Variants in KIAA1614 observed in about 807,000 individuals in gnomAD.
KIAA1614 encodes uncharacterized protein KIAA1614.
Under a neutral mutation model 88.7 loss-of-function variants are expected in KIAA1614, and 76 were observed. That is an observed-to-expected ratio of 0.86 (90% CI 0.71 to 1.04). The LOEUF is 1.04. Ranked by LOEUF, KIAA1614 falls within the 50% of genes least tolerant of loss-of-function variation. KIAA1614 has a pLI of 0.00. For missense variants in KIAA1614, 1,553 were observed against 1,582.5 expected (o/e 0.98, Z 0.32); for synonymous variants, 714 against 675.5 (o/e 1.06, Z -0.88).
rs201220751 is a variant in KIAA1614 at position 180,936,171 on chromosome 1, G to T, written c.2262G>T (p.Thr754=). The T allele has an allele frequency of 8.7e-6, 14 of 1,614,126 alleles. No individual in the cohort carries two copies. The highest frequency in any genetic ancestry group is 1.6e-4 in the Middle Eastern group (1 of 6,062). The stretch of plus-strand genomic sequence containing the variant: ...CCTATGCCACCACCGCCCCCATGAC[G>T]CCTGAATCATCGGGGCCAGGAGGCC... ...RTAYATTAPM[T]PESSGPGGQA... The change falls in exon 5 of 9, where the codon ACG becomes ACT. Residue 754 remains threonine, a synonymous_variant. Transcript: ENST00000367588.
chr1:180,936,251 T>C lies in KIAA1614; in HGVS notation c.2342T>C (p.Leu781Pro), dbSNP rs1261307721. The change falls in exon 5 of 9, where the codon CTG becomes CCG. Residue 781 changes from leucine to proline, a missense_variant. Physicochemically the swap from Leu to Pro is moderately conservative, Grantham distance 98. Coordinates refer to ENST00000367588, the MANE Select transcript of KIAA1614 (RefSeq NM_020950.2). Reference protein sequence around the residue: ...ESLEIVSPSSLQQSHAEPSAP... With the variant: ...ESLEIVSPSSPQQSHAEPSAP... ...CTGGAAATTGTCTCTCCTTCCTCCC[T>C]GCAACAGAGCCATGCAGAGCCTTCT... is the stretch of plus-strand genomic sequence containing the variant. The C allele has an allele frequency of 1.2e-6, 2 of 1,614,174 alleles. No homozygotes were observed. Among genetic ancestry groups the C allele is most frequent in the East Asian group, 2.2e-5 (1 of 44,884 alleles).
chr1:180,928,995 A>C (rs111434689), intron 4 of KIAA1614, among the ~76,000 whole-genome samples: 50 of 152,346 alleles, frequency 3.3e-4, no homozygotes, highest in African/African-American at 1.2e-3. Context: ...ATAGATATGC[A>C]CTGGCAAGCA....
chr1:180,936,631 A>G lies in KIAA1614; in HGVS notation c.2722A>G (p.Ser908Gly). The G allele has an allele frequency of 6.3e-7, 1 of 1,583,246 alleles. No individual in the cohort carries two copies. Reference sequence around the variant, plus strand: ...GGGTAGGGTGGAGAGGGGCCCCTGCAGCCGGGAACCGGAGCCGCCCCTGGA... The same window carrying G: ...GGGTAGGGTGGAGAGGGGCCCCTGCGGCCGGGAACCGGAGCCGCCCCTGGA... Reference protein sequence around the residue: ...HEGRVERGPCSREPEPPLENS... With the variant: ...HEGRVERGPCGREPEPPLENS... Residue 908 changes from serine (S) to glycine (G), a missense_variant, in exon 5 of 9, where the codon AGC becomes GGC. Physicochemically the swap from Ser to Gly is moderately conservative, Grantham distance 56 (BLOSUM62 0). Transcript: ENST00000367588.
Position 180,945,626 on chromosome 1 carries a change from C to G in KIAA1614, c.*38C>G. 6.5e-7 allele frequency: 1 copy of G among 1,549,784 alleles called. No individual in the cohort carries two copies. Among genetic ancestry groups the G allele is most frequent in the South Asian group, 1.2e-5 (1 of 81,538 alleles). ...TGGGAATTCAGAAAGCCTCTGACTA[C>G]AGGACTAGGCTTCTCCCCTCAGGGG... On this transcript the variant is annotated 3_prime_UTR_variant, in exon 9 of 9. Coordinates refer to ENST00000367588, the MANE Select transcript of KIAA1614 (RefSeq NM_020950.2).
At position 180,945,813 on chromosome 1, in the gene KIAA1614, TAGA is replaced by T; in HGVS notation, c.*228_*230del. 7.5e-7 allele frequency: 1 copy of T among 1,326,506 alleles called. No homozygotes were observed. The highest frequency in any genetic ancestry group is 3.2e-5 in the East Asian group (1 of 31,038). The allele number at this position is 1,326,506 out of a possible 1,614,324, so 82.2% of individuals were successfully genotyped here. A position where few individuals can be genotyped will look rare whatever the true frequency, so the allele number is the denominator to read the frequency against. On this transcript the variant is annotated 3_prime_UTR_variant, in exon 9 of 9. Transcript: ENST00000367588. ...CTGCTGTCTGATGACATCTTGAAAT[TAGA>T]AGCTTAGGCCGGGCGCAGTGGCTCA...
intron 3 of KIAA1614, among the ~76,000 whole-genome samples, chr1:180,918,745 G>T (rs1241737833): frequency 1.3e-5 from 2 of 152,198 alleles, no homozygotes; most frequent in Non-Finnish European, 2.9e-5. Context: ...GTGTAAGGCG[G>T]CTCCTGCACA....
chr1:180,926,006 C>T (rs1654060273), intron 3 of KIAA1614, among the ~76,000 whole-genome samples: 1 of 152,180 alleles, frequency 6.6e-6, no homozygotes, highest in African/African-American at 2.4e-5. Context: ...AAACTGAGGC[C>T]CAGGGAGGAA....
Position 180,913,092 on chromosome 1 carries a change from G to C in KIAA1614, c.-152G>C. 1 of 467,032 alleles carries C rather than the reference G, an allele frequency of 2.1e-6. No individual in the cohort carries two copies. Among genetic ancestry groups the C allele is most frequent in the Non-Finnish European group, 3.3e-6 (1 of 298,726 alleles). 28.9% of individuals were successfully genotyped at this position (467,032 alleles called of 1,614,324 possible). On this transcript the variant is annotated 5_prime_UTR_variant, in exon 1 of 9. Transcript: ENST00000367588. ...CGGGAGCTGGCCCGGCCTCGGCGCC[G>C]TCCCGGACCCCCAGTCGGCCGCGCC... is the stretch of plus-strand genomic sequence containing the variant.
Position 180,913,282 on chromosome 1 carries a change from C to A in KIAA1614, c.39C>A (p.Gly13=). ...AGGCGGCGGCGGCCAAACCCGCGGG[C>A]GGCAGCCCCCAGTGAGTATAGAGGA... ...GTEAAAAKPA[G]GSPQGPKTGS... is the part of the protein sequence containing the mutation. Residue 13 remains glycine (G), a synonymous_variant, in exon 1 of 9, where the codon GGC becomes GGA. Coordinates refer to ENST00000367588, the MANE Select transcript of KIAA1614 (RefSeq NM_020950.2). 3 of 1,258,898 alleles carry A rather than the reference C, an allele frequency of 2.4e-6. No homozygotes were observed. The highest frequency in any genetic ancestry group is 3.0e-6 in the Non-Finnish European group (3 of 996,306). The allele number at this position is 1,258,898 out of a possible 1,614,324, so 78.0% of individuals were successfully genotyped here.
rs759166184 is a variant in KIAA1614 at position 180,935,296 on chromosome 1, C to T, written c.1387C>T (p.Arg463Cys). The T allele has an allele frequency of 1.9e-5, 28 of 1,497,710 alleles. No homozygotes were observed. In the East Asian group the frequency reaches 6.0e-4, roughly 32 times the overall value. 92.8% of individuals were successfully genotyped at this position (1,497,710 alleles called of 1,614,324 possible). Residue 463 changes from arginine (R) to cysteine (C), a missense_variant, in exon 5 of 9, where the codon CGT (arginine) becomes TGT (cysteine). Physicochemically the swap from Arg to Cys is radical, Grantham distance 180. Coordinates refer to ENST00000367588, the MANE Select transcript of KIAA1614 (RefSeq NM_020950.2). This position sits in a 1 kb window ranked among gnomAD's most constrained non-coding sequence, Gnocchi z 6.1. ...EDESAREAEF[R>C]HLERLQQRQR... ...TGAGTCCGCCCGCGAAGCCGAGTTC[C>T]GTCACCTGGAGCGGCTGCAGCAGCG...
chr1:180,925,040 TA>T (rs1222839562), intron 3 of KIAA1614, among the ~76,000 whole-genome samples: 1 of 151,982 alleles, frequency 6.6e-6, no homozygotes, highest in Non-Finnish European at 1.5e-5. Context: ...AACTCCTAAG[TA>T]ACCTGCCAGG....
intron 5 of KIAA1614, among the ~76,000 whole-genome samples, chr1:180,937,531 C>T (rs190250792): frequency 7.9e-5 from 12 of 152,266 alleles, no homozygotes; most frequent in Admixed American, 1.3e-4. Flanking sequence ...CCAACTCTGC[C>T]GCTCACTTTT....
intron 3 of KIAA1614, among the ~76,000 whole-genome samples, chr1:180,920,673 T>A (rs1392485871): frequency 7.3e-6 from 1 of 137,206 alleles, no homozygotes; most frequent in African/African-American, 2.8e-5. Context: ...CATGACATGA[T>A]GGTGACAGCA....
intron 8 of KIAA1614, chr1:180,944,937 C>T: frequency 3.5e-6 from 1 of 284,388 alleles, no homozygotes; most frequent in Non-Finnish European, 6.5e-6. Context: ...GCCCTGTAGG[C>T]TGGCTGCTCT....
In KIAA1614 at chr1:180,941,087, T is replaced by C; in HGVS notation, c.2961T>C (p.Ala987=). 1 of 1,470,752 alleles carries C rather than the reference T, an allele frequency of 6.8e-7. No individual in the cohort carries two copies. The highest frequency in any genetic ancestry group is 9.2e-7 in the Non-Finnish European group (1 of 1,092,178). The allele number at this position is 1,470,752 out of a possible 1,614,324, so 91.1% of individuals were successfully genotyped here. ...GAGTGPGSPS[A]APLDQNKKRS... ...GCACAGGACCCGGCTCCCCCTCGGC[T>C]GCCCCTTTGGACCAGAACAAGAAAA... is the stretch of plus-strand genomic sequence containing the variant. The change falls in exon 7 of 9, where the codon GCT becomes GCC. Residue 987 remains alanine, a synonymous_variant. Transcript: ENST00000367588.
Position 180,936,269 on chromosome 1 carries a change from A to T in KIAA1614, c.2360A>T (p.Glu787Val). 1 of 1,614,174 alleles carries T rather than the reference A, an allele frequency of 6.2e-7. No individual in the cohort carries two copies. The highest frequency in any genetic ancestry group is 8.5e-7 in the Non-Finnish European group (1 of 1,180,014). The stretch of plus-strand genomic sequence containing the variant: ...TCCTCCCTGCAACAGAGCCATGCAG[A>T]GCCTTCTGCCCCACACCAAGCCTGG... Reference protein sequence around the residue: ...SPSSLQQSHAEPSAPHQAWQP... With the variant: ...SPSSLQQSHAVPSAPHQAWQP... Residue 787 changes from glutamate (E) to valine (V), a missense_variant, in exon 5 of 9, where the codon GAG (glutamate) becomes GTG (valine). By Grantham distance (121) the Glu-to-Val change is moderately radical. Coordinates refer to ENST00000367588, the MANE Select transcript of KIAA1614 (RefSeq NM_020950.2).
chr1:180,924,345 T>C (rs1339561163), intron 3 of KIAA1614, among the ~76,000 whole-genome samples: 1 of 152,158 alleles, frequency 6.6e-6, no homozygotes, highest in Non-Finnish European at 1.5e-5. Flanking sequence ...GCCACCCAGG[T>C]CCCACACCTG....
rs1294359152 is a variant in KIAA1614 at position 180,935,454 on chromosome 1, T to G, written c.1545T>G (p.Leu515=). Residue 515 remains leucine (L), a synonymous_variant, in exon 5 of 9, where the codon CTT becomes CTG. Coordinates refer to ENST00000367588, the MANE Select transcript of KIAA1614 (RefSeq NM_020950.2). The surrounding 1 kb of genome is among the most constrained non-coding windows in gnomAD (Gnocchi z 6.1). ...CGGGGCAGGGGACATTCCACAGGCT[T>G]GTGGGCAGCCTGGACCGCAGGGGAC... The part of the protein sequence containing the change: ...RDAGQGTFHR[L]VGSLDRRGHP... The G allele has an allele frequency of 6.8e-7, 1 of 1,472,524 alleles. No individual in the cohort carries two copies. Among genetic ancestry groups the G allele is most frequent in the Non-Finnish European group, 8.9e-7 (1 of 1,118,348 alleles). 91.2% of individuals were successfully genotyped at this position (1,472,524 alleles called of 1,614,324 possible).
At chr1:180,934,454 G>A (rs1309291313) in intron 4 of KIAA1614, among the ~76,000 whole-genome samples, 1 of 151,874 alleles carries the variant, frequency 6.6e-6, no homozygotes, top group Non-Finnish European at 1.5e-5. Flanking sequence ...GCCAGATATG[G>A]TGAAGCACAC....
Sources: gnomAD v4.1 joint callset for allele counts (sites outside exome capture counted in the v4.1 genomes callset) on GRCh38, gnomAD v4.1.1 for gene constraint, Gnocchi (gnomAD v3.1) non-coding constraint, MANE v1.5 for transcripts, NCBI Gene and HGNC (gene_info 2026-07-23, HGNC 2026-07-21) for gene names.